Variants in AUTS2 observed in about 807,000 individuals in gnomAD.
AUTS2 encodes the protein autism susceptibility gene 2 protein.
Under a neutral mutation model 112.4 loss-of-function variants are expected in AUTS2, and 17 were observed. The ratio of observed to expected loss-of-function variants is 0.15; its 90% CI spans 0.10 to 0.23. The LOEUF (loss-of-function observed/expected upper bound fraction) is 0.23, where lower values mean the gene tolerates loss of function less well. Among genes scored for constraint, AUTS2 ranks in the 10% least tolerant of loss-of-function variants. The probability of loss-of-function intolerance (pLI) is 1.00; values close to 1 mark genes in which losing one functional copy is unlikely to be tolerated. For missense variants in AUTS2, 1,510 were observed against 1,701.6 expected (o/e 0.89, Z 1.98); for synonymous variants, 751 against 702.7 (o/e 1.07, Z -1.09).
intron 1 of AUTS2, among the ~76,000 whole-genome samples, chr7:69,716,696 C>G (rs534088121): frequency 1.3e-5 from 2 of 152,066 alleles, no homozygotes; most frequent in Admixed American, 6.6e-5. Context: ...CACAACTGCC[C>G]CCGACTTCAG....
At chr7:69,853,323 A>C (rs7789364) in intron 1 of AUTS2, among the ~76,000 whole-genome samples, 1 of 152,016 alleles carries the variant, frequency 6.6e-6, no homozygotes, top group African/African-American at 2.4e-5. Context: ...TTTTGCCACA[A>C]ATACATTTGG....
intron 2 of AUTS2, among the ~76,000 whole-genome samples, chr7:70,098,435 G>A (rs1417143948): frequency 1.3e-5 from 2 of 152,166 alleles, no homozygotes; most frequent in Non-Finnish European, 2.9e-5. Flanking sequence ...TAGGAGGGGA[G>A]AGTGGATATG....
chr7:70,369,529 A>G (rs1792742083), intron 4 of AUTS2, among the ~76,000 whole-genome samples: 1 of 152,174 alleles, frequency 6.6e-6, no homozygotes, highest in South Asian at 2.1e-4. Context: ...GAGTGATGGT[A>G]TCATTCAAGG....
chr7:70,455,784 C>T (rs536440143), intron 5 of AUTS2, among the ~76,000 whole-genome samples: 4 of 151,988 alleles, frequency 2.6e-5, no homozygotes, highest in African/African-American at 9.7e-5. Context: ...GAGACTCTGT[C>T]GCTACAATTA....
chr7:70,653,122 G>A (rs1174325628), intron 5 of AUTS2, among the ~76,000 whole-genome samples: 1 of 152,082 alleles, frequency 6.6e-6, no homozygotes, highest in African/African-American at 2.4e-5. Flanking sequence ...AGGCATGGTG[G>A]TACACACCTG....
intron 6 of AUTS2, among the ~76,000 whole-genome samples, chr7:70,734,340 T>C (rs1228798770): frequency 6.6e-6 from 1 of 151,708 alleles, no homozygotes; most frequent in African/African-American, 2.4e-5. Context: ...CTCGGGGGGC[T>C]GAGGCAGGAG....
At chr7:70,230,129 T>C (rs1214902156) in intron 4 of AUTS2, among the ~76,000 whole-genome samples, 2 of 152,210 alleles carry the variant, frequency 1.3e-5, no homozygotes, top group Non-Finnish European at 2.9e-5. Context: ...TTTAATTTTT[T>C]GCATGCCTAA....
intron 1 of AUTS2, among the ~76,000 whole-genome samples, chr7:69,826,399 A>T (rs1195700045): frequency 6.6e-6 from 1 of 152,176 alleles, no homozygotes; most frequent in Non-Finnish European, 1.5e-5. Context: ...TTTGACTGTA[A>T]ATCCCTTCAG....
chr7:70,179,251 C>T (rs925464087), intron 4 of AUTS2, among the ~76,000 whole-genome samples: 1 of 152,150 alleles, frequency 6.6e-6, no homozygotes, highest in Non-Finnish European at 1.5e-5. Flanking sequence ...CTTACAGACA[C>T]GTCTTTTGAG....
intron 1 of AUTS2, among the ~76,000 whole-genome samples, chr7:69,697,638 C>G (rs1431390619): frequency 6.6e-6 from 1 of 152,202 alleles, no homozygotes; most frequent in Non-Finnish European, 1.5e-5. Flanking sequence ...AGTTTCCTCT[C>G]GTCCTTGACT....
At chr7:70,609,022 GTGGGA>G (rs1253892364) in intron 5 of AUTS2, among the ~76,000 whole-genome samples, 4 of 152,146 alleles carry the variant, frequency 2.6e-5, no homozygotes, top group Non-Finnish European at 5.9e-5. Context: ...TGCATACATT[GTGGGA>G]TGATGAAATT....
intron 5 of AUTS2, among the ~76,000 whole-genome samples, chr7:70,474,681 G>C (rs1475168693): frequency 6.6e-6 from 1 of 152,204 alleles, no homozygotes; most frequent in East Asian, 1.9e-4. Context: ...TTAAGCCATT[G>C]AGTCTAGTTT....
In AUTS2 at chr7:70,616,791, T is replaced by G. The variant is rs1585384435; in HGVS notation, c.691-81778T>G. Reference sequence around the variant, plus strand: ...TTTTTTGATTGGAGAAACTTGAGCATGTTTTTAGGCCAAGCAGTAGGAATT... The same window carrying G: ...TTTTTTGATTGGAGAAACTTGAGCAGGTTTTTAGGCCAAGCAGTAGGAATT... On this transcript the variant is annotated intron_variant, in intron 5 of 18. Coordinates refer to ENST00000342771, the MANE Select transcript of AUTS2 (RefSeq NM_015570.4). 2.1e-5 allele frequency among the ~76,000 whole-genome samples: 3 copies of G among 142,614 alleles called. 1 individual carries two copies. The East Asian group carries it at 6.2e-4, about 30-fold the overall frequency. The allele number at this position is 142,614 out of a possible 152,430, so 93.6% of individuals were successfully genotyped here. A position where few individuals can be genotyped will look rare whatever the true frequency, so the allele number is the denominator to read the frequency against.
chr7:70,358,314 G>T (rs961995314), intron 4 of AUTS2, among the ~76,000 whole-genome samples: 1 of 152,182 alleles, frequency 6.6e-6, no homozygotes. Context: ...TTCCATCTCT[G>T]AGTTTCCTTT....
chr7:69,608,782 A>G (rs1792870318), intron 1 of AUTS2, among the ~76,000 whole-genome samples: 2 of 152,242 alleles, frequency 1.3e-5, no homozygotes, highest in Non-Finnish European at 2.9e-5. Flanking sequence ...GATTTTATAT[A>G]GTTGACATTA....
chr7:69,783,876 A>C (rs558159804), intron 1 of AUTS2, among the ~76,000 whole-genome samples: 7 of 152,310 alleles, frequency 4.6e-5, no homozygotes, highest in African/African-American at 1.7e-4. Flanking sequence ...TGTCTCTTAA[A>C]GCCAATTTAT....
intron 5 of AUTS2, among the ~76,000 whole-genome samples, chr7:70,496,717 C>CA (rs1798541044): frequency 6.8e-6 from 1 of 146,524 alleles, no homozygotes; most frequent in Non-Finnish European, 1.5e-5. Flanking sequence ...CACGCACACA[C>CA]CCCACACATG....
intron 1 of AUTS2, among the ~76,000 whole-genome samples, chr7:69,874,622 G>C (rs912453313): frequency 1.3e-5 from 2 of 152,030 alleles, no homozygotes; most frequent in Non-Finnish European, 2.9e-5. Context: ...TAAGAAGGTG[G>C]AATTTGTAGG....
At chr7:70,171,302 C>T (rs1808673506) in intron 4 of AUTS2, among the ~76,000 whole-genome samples, 2 of 152,180 alleles carry the variant, frequency 1.3e-5, no homozygotes, top group African/African-American at 2.4e-5. Context: ...GAAGCGAATT[C>T]TTCCCCTTTT....
Sources: gnomAD v4.1 joint callset for allele counts (sites outside exome capture counted in the v4.1 genomes callset) on GRCh38, gnomAD v4.1.1 for gene constraint, MANE v1.5 for transcripts, NCBI Gene and HGNC (gene_info 2026-07-23, HGNC 2026-07-21) for gene names.